Variants in MCMDC2 observed in about 807,000 individuals in gnomAD.
MCMDC2 encodes minichromosome maintenance domain-containing protein 2.
Under a neutral mutation model 75.8 loss-of-function variants are expected in MCMDC2, and 54 were observed. That is an observed-to-expected ratio of 0.71 (90% CI 0.57 to 0.89). MCMDC2 has a LOEUF of 0.89. MCMDC2 is among the 40% of genes least tolerant of loss of function. MCMDC2 has a pLI of 0.00. For missense variants in MCMDC2, 656 were observed against 780.4 expected (o/e 0.84, Z 1.90); for synonymous variants, 249 against 274.6 (o/e 0.91, Z 0.92).
At chr8:66,892,408 T>G (rs1812151539) in intron 10 of MCMDC2, among the ~76,000 whole-genome samples, 1 of 152,188 alleles carries the variant, frequency 6.6e-6, no homozygotes, top group Non-Finnish European at 1.5e-5. Context: ...GGTCCCAAGT[T>G]CTTGTTCCAC....
chr8:66,910,535 C>G (rs1813066268), intron 14 of MCMDC2, among the ~76,000 whole-genome samples: 2 of 152,194 alleles, frequency 1.3e-5, no homozygotes, highest in Non-Finnish European at 2.9e-5. Flanking sequence ...ACTGGCCAGC[C>G]ACAGTGGCTC....
intron 12 of MCMDC2, among the ~76,000 whole-genome samples, chr8:66,899,715 C>T (rs892726810): frequency 3.0e-4 from 46 of 151,844 alleles, no homozygotes; most frequent in African/African-American, 1.0e-3. Context: ...CCAGGATGGT[C>T]TCAATCTCTT....
chr8:66,878,224 TCTCTC>T lies in MCMDC2; in HGVS notation c.482-349_482-345del, dbSNP rs530206516. On this transcript the variant is annotated intron_variant, in intron 5 of 14. Coordinates refer to ENST00000422365, the MANE Select transcript of MCMDC2 (RefSeq NM_173518.5). ...ATTGGGTTGATTGACCCTCCTCTCT[TCTCTC>T]TGAACACGCTGCAAATGAATACCAC... 5.8e-3 allele frequency among the ~76,000 whole-genome samples: 889 copies of T among 152,234 alleles called. 5 individuals are homozygous for T. The highest frequency in any genetic ancestry group is 8.0e-3 in the Non-Finnish European group (544 of 68,010).
At chr8:66,874,733 T>G in intron 4 of MCMDC2, 147 bp downstream of exon 4, 2 of 695,324 alleles carry the variant, frequency 2.9e-6, no homozygotes, top group Non-Finnish European at 4.8e-6. Context: ...GGCATCTTTA[T>G]TTCTTGTATT....
At chr8:66,907,683 C>T (rs1812959810) in intron 14 of MCMDC2, among the ~76,000 whole-genome samples, 1 of 152,194 alleles carries the variant, frequency 6.6e-6, no homozygotes, top group Admixed American at 6.5e-5. Context: ...AATTTACAGT[C>T]CCACCGACGG....
chr8:66,919,316 C>T lies in MCMDC2; in HGVS notation c.*147C>T. The stretch of plus-strand genomic sequence containing the variant: ...TTTTTAAAAATATAAAATATAGTCC[C>T]CTCAAAACTAATTGCTAATGGGATA... On this transcript the variant is annotated 3_prime_UTR_variant, in exon 15 of 15. Transcript: ENST00000422365. The T allele has an allele frequency of 1.8e-6, 1 of 561,284 alleles. No individual in the cohort carries two copies. Among genetic ancestry groups the T allele is most frequent in the Non-Finnish European group, 2.8e-6 (1 of 353,544 alleles). The allele number at this position is 561,284 out of a possible 1,614,324, so 34.8% of individuals were successfully genotyped here. A position where few individuals can be genotyped will look rare whatever the true frequency, so the allele number is the denominator to read the frequency against.
Position 66,876,512 on chromosome 8 carries a change from G to A in MCMDC2, c.286-837G>A, listed in dbSNP as rs145196643. 1.8e-3 allele frequency among the ~76,000 whole-genome samples: 280 copies of A among 151,770 alleles called. 4 individuals are homozygous for A. The highest frequency in any genetic ancestry group is 6.5e-3 in the African/African-American group (269 of 41,380). On this transcript the variant is annotated intron_variant, in intron 4 of 14. Transcript: ENST00000422365. ...TATTAGCCTACCTTTTGTCACTGGG[G>A]GTCCCTTCAAGGTTGCTCCTATGTC... is the stretch of plus-strand genomic sequence containing the variant.
rs779610715 is a variant in MCMDC2, at chr8:66,901,193, T to A, written c.1627-13T>A. Reference sequence around the variant, plus strand: ...ATAAAGCTTGATTATCTTGGATTTTTCACACTTTTTAGCTATTGGCTTTTG... The same window carrying A: ...ATAAAGCTTGATTATCTTGGATTTTACACACTTTTTAGCTATTGGCTTTTG... On this transcript the variant is annotated splice_polypyrimidine_tract_variant and intron_variant, in intron 12 of 14. Coordinates refer to ENST00000422365, the MANE Select transcript of MCMDC2 (RefSeq NM_173518.5). The A allele has an allele frequency of 1.3e-5, 21 of 1,602,182 alleles. No individual in the cohort carries two copies. The highest frequency in any genetic ancestry group is 1.7e-5 in the Non-Finnish European group (20 of 1,171,306).
At position 66,919,457 on chromosome 8, in the gene MCMDC2, G is replaced by GA; in HGVS notation, c.*290dup. ...TATAAAGAAAAACCTGGTTAGCCCA[G>GA]AATACCAGTGGTGAACAGATAAAAA... On this transcript the variant is annotated 3_prime_UTR_variant, in exon 15 of 15. Transcript: ENST00000422365. The GA allele has an allele frequency of 4.8e-6, 1 of 208,342 alleles. No individual in the cohort carries two copies. The allele number at this position is 208,342 out of a possible 1,614,324, so 12.9% of individuals were successfully genotyped here. A position where few individuals can be genotyped will look rare whatever the true frequency, so the allele number is the denominator to read the frequency against.
chr8:66,892,006 G>A (rs904669202), intron 10 of MCMDC2, among the ~76,000 whole-genome samples: 1 of 152,212 alleles, frequency 6.6e-6, no homozygotes. Flanking sequence ...GGGCTGCAGG[G>A]AAGCATGCCA....
chr8:66,890,329 G>A (rs769059756), intron 9 of MCMDC2, among the ~76,000 whole-genome samples: 6 of 151,784 alleles, frequency 4.0e-5, no homozygotes, highest in Non-Finnish European at 5.9e-5. Context: ...GCCTCCCAAA[G>A]TGTTGGGATT....
intron 13 of MCMDC2, among the ~76,000 whole-genome samples, chr8:66,903,452 G>A (rs1278450940): frequency 6.6e-6 from 1 of 151,776 alleles, no homozygotes; most frequent in Non-Finnish European, 1.5e-5. Flanking sequence ...CAATTATTTT[G>A]AGATTACACT....
At chr8:66,913,209 T>G (rs1813181650) in intron 14 of MCMDC2, among the ~76,000 whole-genome samples, 2 of 152,244 alleles carry the variant, frequency 1.3e-5, no homozygotes, top group South Asian at 4.1e-4. Flanking sequence ...ATAAAGCATT[T>G]TTAAATTAAG....
At chr8:66,904,157 TTATCTCTA>T (rs1185186976) in intron 13 of MCMDC2, among the ~76,000 whole-genome samples, 1 of 152,168 alleles carries the variant, frequency 6.6e-6, no homozygotes, top group African/African-American at 2.4e-5. Flanking sequence ...TAGTTATGCC[TTATCTCTA>T]ATGTGATGGT....
chr8:66,891,831 C>G (rs1812121679), intron 10 of MCMDC2, among the ~76,000 whole-genome samples: 1 of 152,226 alleles, frequency 6.6e-6, no homozygotes, highest in South Asian at 2.1e-4. Flanking sequence ...GCCGCTGTGG[C>G]AGGGCAGGCA....
At chr8:66,887,483 C>T (rs1191057635) in intron 9 of MCMDC2, among the ~76,000 whole-genome samples, 4 of 151,762 alleles carry the variant, frequency 2.6e-5, no homozygotes, top group African/African-American at 9.7e-5. Flanking sequence ...ACCTGGGAGG[C>T]GGAGGTTGCA....
intron 14 of MCMDC2, among the ~76,000 whole-genome samples, chr8:66,909,683 A>G (rs564260970): frequency 6.6e-6 from 1 of 152,334 alleles, no homozygotes; most frequent in South Asian, 2.1e-4. Flanking sequence ...ATTGGAACTT[A>G]CATTTAAAAG....
At chr8:66,906,267 C>T (rs1812900437) in intron 14 of MCMDC2, among the ~76,000 whole-genome samples, 1 of 152,126 alleles carries the variant, frequency 6.6e-6, no homozygotes, top group Admixed American at 6.6e-5. Context: ...ACCTTGGTTC[C>T]AGCCCTGGGA....
chr8:66,917,378 ACCT>A (rs1394496439), intron 14 of MCMDC2, among the ~76,000 whole-genome samples: 1 of 152,192 alleles, frequency 6.6e-6, no homozygotes, highest in Non-Finnish European at 1.5e-5. Flanking sequence ...AGAAGAGCTT[ACCT>A]CCTCATGGTC....
Sources: gnomAD v4.1 joint callset for allele counts (sites outside exome capture counted in the v4.1 genomes callset) on GRCh38, gnomAD v4.1.1 for gene constraint, MANE v1.5 for transcripts, NCBI Gene and HGNC (gene_info 2026-07-23, HGNC 2026-07-21) for gene names.